Variants in NOS1AP observed in about 807,000 individuals in gnomAD.
NOS1AP encodes nitric oxide synthase 1 adaptor protein.
Under a neutral mutation model 56.2 loss-of-function variants are expected in NOS1AP, and 21 were observed. That is an observed-to-expected ratio of 0.37 (90% CI 0.26 to 0.54). The LOEUF is 0.54. Among genes scored for constraint, NOS1AP ranks in the 20% least tolerant of loss-of-function variants. The pLI is 0.84. For missense variants in NOS1AP, 522 were observed against 657.8 expected, an observed-to-expected ratio of 0.79 and a Z score of 2.26; for synonymous variants, 270 against 274.6, an observed-to-expected ratio of 0.98 and a Z score of 0.17.
intron 1 of NOS1AP, among the ~76,000 whole-genome samples, chr1:162,131,194 G>T (rs1648732991): frequency 6.6e-6 from 1 of 152,022 alleles, no homozygotes; most frequent in Non-Finnish European, 1.5e-5. Flanking sequence ...TAGGTTTCGA[G>T]TTTCAAGGAA....
chr1:162,084,383 G>A (rs564947038), intron 1 of NOS1AP, among the ~76,000 whole-genome samples: 1 of 152,146 alleles, frequency 6.6e-6, no homozygotes, highest in Non-Finnish European at 1.5e-5. Flanking sequence ...TACCACCCTG[G>A]TTGGAAAGGG....
chr1:162,248,374 AAGTCT>A (rs1359625221), intron 2 of NOS1AP, among the ~76,000 whole-genome samples: 1 of 152,098 alleles, frequency 6.6e-6, no homozygotes, highest in Non-Finnish European at 1.5e-5. Flanking sequence ...ACTTGATGCC[AAGTCT>A]AGTGTGTCTT....
intron 4 of NOS1AP, among the ~76,000 whole-genome samples, chr1:162,329,598 C>T (rs1656701497): frequency 1.3e-5 from 2 of 152,108 alleles, no homozygotes; most frequent in Non-Finnish European, 2.9e-5. Context: ...GAAATCTTTC[C>T]TATTCTCTTG....
At chr1:162,255,088 T>C (rs1653981910) in intron 2 of NOS1AP, among the ~76,000 whole-genome samples, 1 of 152,228 alleles carries the variant, frequency 6.6e-6, no homozygotes, top group South Asian at 2.1e-4. Context: ...TTGAATGTGC[T>C]CATCAGTTAA....
chr1:162,153,448 A>G (rs1649803366), intron 1 of NOS1AP, among the ~76,000 whole-genome samples: 1 of 152,256 alleles, frequency 6.6e-6, no homozygotes, highest in Non-Finnish European at 1.5e-5. Flanking sequence ...CTTTTGATCC[A>G]GCAATCTTAT....
intron 1 of NOS1AP, among the ~76,000 whole-genome samples, chr1:162,089,067 G>A (rs1341429620): frequency 6.6e-6 from 1 of 152,094 alleles, no homozygotes; most frequent in African/African-American, 2.4e-5. Flanking sequence ...ATGCAAAATT[G>A]TATTTCAAGA....
chr1:162,339,775 A>C (rs1657049998), intron 5 of NOS1AP, among the ~76,000 whole-genome samples: 1 of 152,216 alleles, frequency 6.6e-6, no homozygotes, highest in South Asian at 2.1e-4. Context: ...AAGGTGGGGT[A>C]ACTAAGTGGG....
At chr1:162,312,623 A>T (rs1304144934) in intron 4 of NOS1AP, among the ~76,000 whole-genome samples, 3 of 149,004 alleles carry the variant, frequency 2.0e-5, no homozygotes, top group African/African-American at 7.4e-5. Flanking sequence ...TTTTGTTGCC[A>T]TTGCTTTTGG....
intron 2 of NOS1AP, among the ~76,000 whole-genome samples, chr1:162,184,271 CA>C (rs1189291363): frequency 6.6e-6 from 1 of 152,032 alleles, no homozygotes; most frequent in Non-Finnish European, 1.5e-5. Flanking sequence ...AGGTGCCCTC[CA>C]AAAATTACAA....
At chr1:162,200,246 T>A (rs894900144) in intron 2 of NOS1AP, among the ~76,000 whole-genome samples, 28 of 152,190 alleles carry the variant, frequency 1.8e-4, no homozygotes, top group African/African-American at 6.5e-4. Flanking sequence ...CACATGGATA[T>A]TTGGTGGTTT....
At chr1:162,189,920 G>T (rs1038031024) in intron 2 of NOS1AP, among the ~76,000 whole-genome samples, 15 of 152,138 alleles carry the variant, frequency 9.9e-5, no homozygotes, top group African/African-American at 3.6e-4. Flanking sequence ...TTGGGAGGCA[G>T]CAGTGAGCTG....
At chr1:162,251,427 T>A (rs951852546) in intron 2 of NOS1AP, among the ~76,000 whole-genome samples, 15 of 152,124 alleles carry the variant, frequency 9.9e-5, no homozygotes, top group African/African-American at 3.6e-4. Flanking sequence ...AGAGAGAACA[T>A]GCAGATCATC....
At chr1:162,183,563 G>A (rs1651331910) in intron 2 of NOS1AP, among the ~76,000 whole-genome samples, 1 of 152,202 alleles carries the variant, frequency 6.6e-6, no homozygotes, top group Non-Finnish European at 1.5e-5. Context: ...GTTGTTTAGT[G>A]TAGCCACCTT....
At chr1:162,259,864 C>A (rs1654153108) in intron 2 of NOS1AP, among the ~76,000 whole-genome samples, 1 of 152,066 alleles carries the variant, frequency 6.6e-6, no homozygotes, top group African/African-American at 2.4e-5. Context: ...TGCATTTATT[C>A]CCCATGTATT....
At chr1:162,330,633 A>C (rs1165550832) in intron 4 of NOS1AP, among the ~76,000 whole-genome samples, 2 of 152,232 alleles carry the variant, frequency 1.3e-5, no homozygotes, top group Non-Finnish European at 2.9e-5. Context: ...TCCTAAAAGC[A>C]GTAGGAAGCC....
intron 2 of NOS1AP, among the ~76,000 whole-genome samples, chr1:162,190,389 T>A (rs1294665962): frequency 6.6e-6 from 1 of 152,048 alleles, no homozygotes; most frequent in Admixed American, 6.6e-5. Flanking sequence ...TATTATACTC[T>A]AAGTTTTAGG....
rs189124569 is a variant in NOS1AP at position 162,334,604 on chromosome 1, A to G, written c.453+1479A>G. On this transcript the variant is annotated intron_variant, in intron 5 of 9. Transcript: ENST00000361897. Reference sequence around the variant, plus strand: ...CTGTAAGGTTCTGACAGATGCAACAAAAGACTGGAATTCCCTTTTAATTCA... The same window carrying G: ...CTGTAAGGTTCTGACAGATGCAACAGAAGACTGGAATTCCCTTTTAATTCA... 2.7e-3 allele frequency among the ~76,000 whole-genome samples: 407 copies of G among 152,296 alleles called. 8 individuals are homozygous for G. Among genetic ancestry groups the G allele is most frequent in the Admixed American group, 0.021 (322 of 15,304 alleles).
In NOS1AP at chr1:162,368,338, T is replaced by A. The variant is rs1658165225; in HGVS notation, c.*871T>A. 1 of 151,908 alleles carries A rather than the reference T, an allele frequency of 6.6e-6. No homozygotes were observed. Among genetic ancestry groups the A allele is most frequent in the Non-Finnish European group, 1.5e-5 (1 of 68,126 alleles). The allele number at this position is 151,908 out of a possible 1,614,324, so 9.4% of individuals were successfully genotyped here. ...CTGTGTCCTGTCCAGCTGAAGCTTT[T>A]GCAGCACTTTACCTCTCTGAAAGCC... On this transcript the variant is annotated 3_prime_UTR_variant, in exon 10 of 10. Coordinates refer to ENST00000361897, the MANE Select transcript of NOS1AP (RefSeq NM_014697.3).
intron 2 of NOS1AP, among the ~76,000 whole-genome samples, chr1:162,175,049 A>C (rs1458946957): frequency 6.6e-6 from 1 of 152,218 alleles, no homozygotes; most frequent in African/African-American, 2.4e-5. Flanking sequence ...TGAAGGGTAC[A>C]TACTATCATT....
Sources: gnomAD v4.1 joint callset for allele counts (sites outside exome capture counted in the v4.1 genomes callset) on GRCh38, gnomAD v4.1.1 for gene constraint, MANE v1.5 for transcripts, NCBI Gene and HGNC (gene_info 2026-07-23, HGNC 2026-07-21) for gene names.